Variants in GLIS3 observed in about 807,000 individuals in gnomAD.
The protein encoded by GLIS3 is GLIS family zinc finger 3.
Under a neutral mutation model 78.6 loss-of-function variants are expected in GLIS3, and 53 were observed. The ratio of observed to expected loss-of-function variants is 0.67; its 90% CI spans 0.54 to 0.85. GLIS3 has a LOEUF of 0.85. GLIS3 is among the 40% of genes least tolerant of loss of function. The probability of loss-of-function intolerance (pLI) is 0.00; values close to 1 mark genes in which losing one functional copy is unlikely to be tolerated. For missense variants in GLIS3, 1,703 were observed against 1,231.1 expected, an observed-to-expected ratio of 1.38 and a Z score of -5.74; for synonymous variants, 684 against 509.9, an observed-to-expected ratio of 1.34 and a Z score of -4.60.
chr9:4,449,087 G>T, the GLIS3 span, among the ~76,000 whole-genome samples: 1 of 152,156 alleles, frequency 6.6e-6, no homozygotes, highest in East Asian at 1.9e-4. Flanking sequence ...GTGACAGACG[G>T]CACCTGGAAA....
rs181409020 is a variant in GLIS3, at chr9:4,272,198, C to G, written c.388+13840G>C. On this transcript the variant is annotated intron_variant, in intron 2 of 10. Transcript: ENST00000381971. ...TATTTTAAGCAAGTTGCGAATGGCACTTTTAACTCACATAGACACAAACAC... is the reference window on the plus strand; with the variant it reads ...TATTTTAAGCAAGTTGCGAATGGCAGTTTTAACTCACATAGACACAAACAC... 1.7e-3 allele frequency among the ~76,000 whole-genome samples: 254 copies of G among 152,144 alleles called. 2 individuals are homozygous for G. The highest frequency in any genetic ancestry group is 3.2e-3 in the Non-Finnish European group (217 of 68,028).
intron 8 of GLIS3, among the ~76,000 whole-genome samples, chr9:3,866,321 G>T (rs1304022446): frequency 1.3e-5 from 2 of 152,092 alleles, no homozygotes; most frequent in Non-Finnish European, 2.9e-5. Context: ...GAAAATTAAA[G>T]CAGAGTTAAA....
chr9:4,180,355 A>G (rs1404162228), intron 2 of GLIS3, among the ~76,000 whole-genome samples: 1 of 152,168 alleles, frequency 6.6e-6, no homozygotes, highest in Non-Finnish European at 1.5e-5. Context: ...AGTATACCAC[A>G]ATAGGAAGAA....
intron 4 of GLIS3, among the ~76,000 whole-genome samples, chr9:4,018,149 G>T (rs898446702): frequency 6.6e-6 from 1 of 152,194 alleles, no homozygotes; most frequent in Admixed American, 6.5e-5. Context: ...TGAAAAGGAA[G>T]GCAGGAAGAA....
At chr9:4,431,751 G>A in the GLIS3 span, among the ~76,000 whole-genome samples, 1 of 151,658 alleles carries the variant, frequency 6.6e-6, no homozygotes, top group Non-Finnish European at 1.5e-5. Context: ...AGCTGAGGCA[G>A]GAGAATCCAT....
chr9:4,166,022 G>C (rs976934948), intron 2 of GLIS3, among the ~76,000 whole-genome samples: 1 of 152,172 alleles, frequency 6.6e-6, no homozygotes, highest in Non-Finnish European at 1.5e-5. Context: ...TCTGAGGCGA[G>C]AGACCAGGTG....
At chr9:4,291,418 T>A (rs919017630) in intron 1 of GLIS3, among the ~76,000 whole-genome samples, 8 of 152,262 alleles carry the variant, frequency 5.3e-5, no homozygotes, top group African/African-American at 1.9e-4. Flanking sequence ...TGCAATCTAA[T>A]CAGAGATATA....
intron 2 of GLIS3, among the ~76,000 whole-genome samples, chr9:4,179,509 G>T (rs956628852): frequency 6.6e-6 from 1 of 152,108 alleles, no homozygotes; most frequent in Non-Finnish European, 1.5e-5. Flanking sequence ...CCGTTTAGAT[G>T]ATACATTATT....
the GLIS3 span, among the ~76,000 whole-genome samples, chr9:4,355,591 A>C: frequency 6.6e-6 from 1 of 152,146 alleles, no homozygotes; most frequent in Non-Finnish European, 1.5e-5. Flanking sequence ...CTCAGAAAAG[A>C]GGGGAAGGAG....
intron 6 of GLIS3, among the ~76,000 whole-genome samples, chr9:3,926,061 C>T (rs1054756124): frequency 1.3e-5 from 2 of 152,128 alleles, no homozygotes; most frequent in South Asian, 4.1e-4. Context: ...AGCATGCAGT[C>T]CCTCAATTGA....
At chr9:3,936,284 CA>C (rs1441630015) in intron 5 of GLIS3, among the ~76,000 whole-genome samples, 1 of 152,020 alleles carries the variant, frequency 6.6e-6, no homozygotes, top group African/African-American at 2.4e-5. Context: ...CTGGGAAATG[CA>C]AAGGAGGGCT....
At chr9:4,194,638 A>C (rs10814872) in intron 2 of GLIS3, among the ~76,000 whole-genome samples, 41,953 of 151,888 alleles carry the variant, frequency 0.28, 6,991 homozygotes, top group South Asian at 0.53. Context: ...AGACACCCCA[A>C]ATCCAAGGGA....
At chr9:4,375,299 T>C in the GLIS3 span, among the ~76,000 whole-genome samples, 1 of 152,168 alleles carries the variant, frequency 6.6e-6, no homozygotes, top group African/African-American at 2.4e-5. Flanking sequence ...GATCACAAAG[T>C]TCTCGTGGAA....
chr9:4,289,170 T>C (rs906462578), intron 1 of GLIS3, among the ~76,000 whole-genome samples: 7 of 152,174 alleles, frequency 4.6e-5, no homozygotes, highest in African/African-American at 1.4e-4. Context: ...GACAAATCAT[T>C]TATAACTTTT....
chr9:4,330,515 C>A (rs562654640), intron 2 of GLIS3, among the ~76,000 whole-genome samples: 1 of 152,044 alleles, frequency 6.6e-6, no homozygotes, highest in East Asian at 1.9e-4. Context: ...TAAACAACCT[C>A]CACTTAGGTG....
intron 2 of GLIS3, among the ~76,000 whole-genome samples, chr9:4,209,365 T>C (rs1296141242): frequency 6.6e-6 from 1 of 152,174 alleles, no homozygotes; most frequent in African/African-American, 2.4e-5. Context: ...TGTCAGGGCA[T>C]GTTACTGGCA....
intron 4 of GLIS3, among the ~76,000 whole-genome samples, chr9:3,972,573 G>C (rs1343817435): frequency 6.6e-6 from 1 of 151,896 alleles, no homozygotes; most frequent in Non-Finnish European, 1.5e-5. Flanking sequence ...TTGTTTGTTT[G>C]TTTGCTTTCT....
At chr9:4,235,214 G>C (rs926321979) in intron 2 of GLIS3, among the ~76,000 whole-genome samples, 1 of 150,574 alleles carries the variant, frequency 6.6e-6, no homozygotes, top group African/African-American at 2.4e-5. Context: ...CAGGAGAATC[G>C]CTTGAACCCG....
intron 9 of GLIS3, among the ~76,000 whole-genome samples, chr9:3,841,982 A>G (rs1352294323): frequency 1.3e-5 from 2 of 152,236 alleles, no homozygotes; most frequent in Admixed American, 1.3e-4. Context: ...AAACAGAACA[A>G]GGGAAGCATG....
Sources: gnomAD v4.1 joint callset for allele counts (sites outside exome capture counted in the v4.1 genomes callset) on GRCh38, gnomAD v4.1.1 for gene constraint, MANE v1.5 for transcripts, NCBI Gene and HGNC (gene_info 2026-07-23, HGNC 2026-07-21) for gene names.